MGAT5: variants seen among roughly 807,000 people sequenced by gnomAD.
MGAT5 encodes the protein alpha-1,6-mannosylglycoprotein 6-beta-N-acetylglucosaminyltransferase A.
In MGAT5, 30 loss-of-function variants were observed where a neutral mutation model predicts 94.3. The observed-to-expected ratio is 0.32, with a 90% CI of 0.24 to 0.43. The LOEUF (loss-of-function observed/expected upper bound fraction) is 0.43, where lower values mean the gene tolerates loss of function less well. Ranked by LOEUF, MGAT5 falls within the 20% of genes least tolerant of loss-of-function variation. MGAT5 has a pLI of 1.00. For missense variants in MGAT5, 691 were observed against 905.5 expected, an observed-to-expected ratio of 0.76 and a Z score of 3.04; for synonymous variants, 310 against 322.9, an observed-to-expected ratio of 0.96 and a Z score of 0.43.
At chr2:134,320,583 A>G (rs1258871127) in intron 4 of MGAT5, among the ~76,000 whole-genome samples, 7 of 151,608 alleles carry the variant, frequency 4.6e-5, no homozygotes, top group Non-Finnish European at 8.8e-5. Context: ...GCCTCCACAG[A>G]CCCTCTGCTG....
At chr2:134,381,372 ATAAGATAGAT>A (rs1276227263) in intron 10 of MGAT5, among the ~76,000 whole-genome samples, 8 of 30,900 alleles carry the variant, frequency 2.6e-4, no homozygotes, top group Admixed American at 1.1e-3. Flanking sequence ...GATAGATAAG[ATAAGATAGAT>A]TAGATAGATA....
intron 1 of MGAT5, among the ~76,000 whole-genome samples, chr2:134,201,229 G>T (rs1679770876): frequency 6.6e-6 from 1 of 152,056 alleles, no homozygotes; most frequent in Admixed American, 6.5e-5. Flanking sequence ...GACAGGTTGG[G>T]CTGTGAACCA....
In MGAT5 at chr2:134,390,744, C is replaced by T. The variant is rs547762022; in HGVS notation, c.1381-12244C>T. Reference sequence around the variant, plus strand: ...TGAAAACACTTCCCCCTAACCCTCCCGCCCCCAAATCTAAGTGAAATATAA... The same window carrying T: ...TGAAAACACTTCCCCCTAACCCTCCTGCCCCCAAATCTAAGTGAAATATAA... On this transcript the variant is annotated intron_variant, in intron 10 of 15. Coordinates refer to ENST00000281923, the MANE Select transcript of MGAT5 (RefSeq NM_002410.5). 9.2e-5 allele frequency among the ~76,000 whole-genome samples: 14 copies of T among 152,260 alleles called. No individual in the cohort carries two copies. In the East Asian group the frequency reaches 1.4e-3, roughly 15 times the overall value.
intron 1 of MGAT5, among the ~76,000 whole-genome samples, chr2:134,197,637 G>A (rs976652000): frequency 6.6e-6 from 1 of 152,164 alleles, no homozygotes; most frequent in African/African-American, 2.4e-5. Flanking sequence ...TTCCATGTAG[G>A]ACGGAAAATC....
intron 1 of MGAT5, among the ~76,000 whole-genome samples, chr2:134,224,032 C>T (rs762243758): frequency 6.6e-6 from 1 of 152,200 alleles, no homozygotes; most frequent in Non-Finnish European, 1.5e-5. Context: ...TTTCTTGACT[C>T]TTCTTTAACC....
intron 2 of MGAT5, among the ~76,000 whole-genome samples, chr2:134,313,296 T>C (rs1686806442): frequency 6.6e-6 from 1 of 152,180 alleles, no homozygotes; most frequent in Non-Finnish European, 1.5e-5. Context: ...GCAGTGTGTA[T>C]GTTCCTCCTG....
intron 1 of MGAT5, among the ~76,000 whole-genome samples, chr2:134,181,813 C>T (rs538939266): frequency 6.6e-6 from 1 of 152,358 alleles, no homozygotes; most frequent in South Asian, 2.1e-4. Context: ...CTCAGCTCCA[C>T]ACTTCGCCTT....
chr2:134,281,161 C>G (rs1165190305), intron 2 of MGAT5, among the ~76,000 whole-genome samples: 4 of 152,178 alleles, frequency 2.6e-5, no homozygotes, highest in Non-Finnish European at 4.4e-5. Flanking sequence ...CAACACTGTC[C>G]TCATGGTGAG....
chr2:134,293,141 AC>A (rs1203706786), intron 2 of MGAT5, among the ~76,000 whole-genome samples: 1 of 152,178 alleles, frequency 6.6e-6, no homozygotes, highest in African/African-American at 2.4e-5. Flanking sequence ...ATCACTGTGC[AC>A]CCTTGCTTCT....
intron 1 of MGAT5, among the ~76,000 whole-genome samples, chr2:134,248,067 A>G (rs1163954408): frequency 6.6e-6 from 1 of 152,092 alleles, no homozygotes; most frequent in Non-Finnish European, 1.5e-5. Context: ...ATACCTGACT[A>G]CCATCACATC....
intron 1 of MGAT5, among the ~76,000 whole-genome samples, chr2:134,160,240 C>T (rs144693177): frequency 0.016 from 2,365 of 152,224 alleles, 55 homozygotes; most frequent in African/African-American, 0.054. Flanking sequence ...GTGGCGCAAT[C>T]TCGGCTCACT....
At chr2:134,154,091 T>G (rs543535518) in intron 1 of MGAT5, among the ~76,000 whole-genome samples, 9 of 152,278 alleles carry the variant, frequency 5.9e-5, no homozygotes, top group Non-Finnish European at 1.2e-4. Context: ...AGCCATAGCA[T>G]TTTCACCCAC....
intron 13 of MGAT5, 146 bp from the exon 14 acceptor site, chr2:134,428,219 G>A: frequency 1.6e-6 from 1 of 632,058 alleles, no homozygotes. Flanking sequence ...GGATCAGCTT[G>A]AGATCACGAC....
chr2:134,441,645 C>T (rs1685491596), intron 14 of MGAT5, 113 bp from the exon 15 acceptor site: 4 of 1,296,176 alleles, frequency 3.1e-6, no homozygotes, highest in African/African-American at 3.0e-5. Context: ...CCAACTCTTC[C>T]CCGTCCCTGT....
chr2:134,150,711 A>G (rs1403056565), intron 1 of MGAT5, among the ~76,000 whole-genome samples: 2 of 152,228 alleles, frequency 1.3e-5, no homozygotes, highest in East Asian at 1.9e-4. Context: ...ACAGTTTTAA[A>G]TATTTACATT....
chr2:134,408,253 G>A, intron 11 of MGAT5, among the ~76,000 whole-genome samples: 1 of 152,160 alleles, frequency 6.6e-6, no homozygotes, highest in East Asian at 1.9e-4. Context: ...GAGCACTTGA[G>A]GCTGGCCCAA....
At chr2:134,149,592 T>A (rs1344121948) in intron 1 of MGAT5, among the ~76,000 whole-genome samples, 1 of 152,248 alleles carries the variant, frequency 6.6e-6, no homozygotes, top group Non-Finnish European at 1.5e-5. Flanking sequence ...TATACCAGGT[T>A]AATAAACTCT....
chr2:134,297,051 G>T (rs552009870), intron 2 of MGAT5, among the ~76,000 whole-genome samples: 4 of 151,986 alleles, frequency 2.6e-5, no homozygotes, highest in African/African-American at 9.6e-5. Context: ...AATAAAATTA[G>T]CTGGGTGTGG....
intron 10 of MGAT5, among the ~76,000 whole-genome samples, chr2:134,365,317 G>T (rs955045891): frequency 6.6e-6 from 1 of 152,180 alleles, no homozygotes; most frequent in African/African-American, 2.4e-5. Context: ...TCCCTCCAAT[G>T]TTGGCTGATT....
Sources: allele counts gnomAD v4.1 joint callset (sites outside exome capture counted in the v4.1 genomes callset), GRCh38; gene constraint gnomAD v4.1.1; transcripts MANE v1.5; gene names NCBI Gene and HGNC (gene_info 2026-07-23, HGNC 2026-07-21).